The following PCDHGB4 variants were observed in gnomAD, a reference collection of about 807,000 sequenced individuals.
The protein encoded by PCDHGB4 is protocadherin gamma subfamily B, 4.
Under a neutral mutation model 60.5 loss-of-function variants are expected in PCDHGB4, and 38 were observed. The observed-to-expected ratio is 0.63, with a 90% CI of 0.48 to 0.82. PCDHGB4 has a LOEUF of 0.82. Among genes scored for constraint, PCDHGB4 ranks in the 40% least tolerant of loss-of-function variants. The probability of loss-of-function intolerance (pLI) is 0.00; values close to 1 mark genes in which losing one functional copy is unlikely to be tolerated. For synonymous variants in PCDHGB4, 456 were observed against 509.7 expected (o/e 0.89, Z 1.42); for missense variants, 1,109 against 1,209.6 (o/e 0.92, Z 1.23).
At chr5:141,427,898 C>T in intron 1 of PCDHGB4, 4 of 1,570,874 alleles carry the variant, frequency 2.5e-6, no homozygotes, top group African/African-American at 1.3e-5. Flanking sequence ...AGGGCTCGCC[C>T]GCGCTCAGCG....
rs752147264 is a variant in PCDHGB4, at chr5:141,398,602, G to C, written c.2397+8321G>C. 8 of 1,613,936 alleles carry C rather than the reference G, an allele frequency of 5.0e-6. No individual in the cohort carries two copies. The East Asian group carries it at 1.6e-4, about 31-fold the overall frequency. On this transcript the variant is annotated intron_variant, in intron 1 of 3. Transcript: ENST00000519479. ...AAGATTTATACTAGAAGTAGCAGAA[G>C]ATGCAGATATTGGCTTAAACTCTCT...
chr5:141,424,018 CACAA>C (rs909442976), intron 1 of PCDHGB4: 3 of 1,051,682 alleles, frequency 2.9e-6, no homozygotes, highest in South Asian at 4.6e-5. Context: ...ATTAATGATT[CACAA>C]ACACTTTTTA....
chr5:141,390,544 G>A, intron 1 of PCDHGB4: 1 of 505,664 alleles, frequency 2.0e-6, no homozygotes, highest in Non-Finnish European at 3.5e-6. Flanking sequence ...ACCACAAAGT[G>A]AAAGTGTTAG....
In PCDHGB4 at chr5:141,400,210, A is replaced by C. The variant is rs201102949; in HGVS notation, c.2397+9929A>C. 1.2e-3 allele frequency: 1,976 copies of C among 1,613,732 alleles called. 4 individuals are homozygous for C. The highest frequency in any genetic ancestry group is 1.6e-3 in the Non-Finnish European group (1,832 of 1,179,862). ...TTACCTAGTGGTGGCCTTGGCCTTG[A>C]TCTCAGTGCTCTTCCTCCTGGCCGT... On this transcript the variant is annotated intron_variant, in intron 1 of 3. Coordinates refer to ENST00000519479, the MANE Select transcript of PCDHGB4 (RefSeq NM_003736.4).
Position 141,389,111 on chromosome 5 carries a change from C to T in PCDHGB4, c.1227C>T (p.Asp409=), listed in dbSNP as rs752785695. The change falls in exon 1 of 4, where the codon GAC becomes GAT. Residue 409 remains aspartate, a synonymous_variant. Coordinates refer to ENST00000519479, the MANE Select transcript of PCDHGB4 (RefSeq NM_003736.4). ...AATTAGTGACAGATGCTGTTCTAGA[C>T]CGCGAGCAGAATCCAGAGTACAATA... ...TYKLVTDAVL[D]REQNPEYNIT... 2.5e-6 allele frequency: 4 copies of T among 1,614,008 alleles called. No homozygotes were observed. Among genetic ancestry groups the T allele is most frequent in the South Asian group, 1.1e-5 (1 of 91,082 alleles).
At chr5:141,447,182 C>G (rs1205769161) in intron 1 of PCDHGB4, among the ~76,000 whole-genome samples, 1 of 152,126 alleles carries the variant, frequency 6.6e-6, no homozygotes, top group Non-Finnish European at 1.5e-5. Flanking sequence ...TCTTGTCGCG[C>G]AGGCTGGAGT....
At chr5:141,393,289 AC>A in intron 1 of PCDHGB4, 2 of 1,613,936 alleles carry the variant, frequency 1.2e-6, no homozygotes, top group Non-Finnish European at 1.7e-6. Flanking sequence ...GAAGCTGTTG[AC>A]CCGGATGTGG....
chr5:141,447,979 G>A (rs888759756), intron 1 of PCDHGB4, among the ~76,000 whole-genome samples: 15 of 151,814 alleles, frequency 9.9e-5, no homozygotes, highest in Admixed American at 5.9e-4. Context: ...CCAGCTACTC[G>A]GGAGGCTGAG....
At chr5:141,408,974 G>T (rs899313364) in intron 1 of PCDHGB4, 1 of 1,613,690 alleles carries the variant, frequency 6.2e-7, no homozygotes, top group South Asian at 1.1e-5. Flanking sequence ...TCTGCCCCCT[G>T]GGTCCCCTGT....
chr5:141,465,583 A>G (rs1056902823), intron 1 of PCDHGB4, among the ~76,000 whole-genome samples: 10 of 152,162 alleles, frequency 6.6e-5, no homozygotes, highest in African/African-American at 2.4e-4. Flanking sequence ...ACACTCTCAT[A>G]ATAATCAGAT....
intron 1 of PCDHGB4, among the ~76,000 whole-genome samples, chr5:141,464,404 T>G (rs1224596546): frequency 6.6e-6 from 1 of 151,532 alleles, no homozygotes; most frequent in African/African-American, 2.4e-5. Flanking sequence ...GAACCTGAGA[T>G]ATATATATAT....
intron 1 of PCDHGB4, chr5:141,395,503 G>A (rs1428846111): frequency 2.2e-6 from 1 of 457,378 alleles, no homozygotes; most frequent in Non-Finnish European, 3.8e-6. Flanking sequence ...ATTCACTTAA[G>A]AAGTAGCTAC....
In PCDHGB4 at chr5:141,455,253, C is replaced by A. The variant is rs187877877; in HGVS notation, c.2398-39554C>A. 2.8e-3 allele frequency among the ~76,000 whole-genome samples: 433 copies of A among 151,986 alleles called. 1 individual carries two copies. Among genetic ancestry groups the A allele is most frequent in the Admixed American group, 0.021 (319 of 15,266 alleles). ...AAAATGTTAAAGGTCATAGTACAAT[C>A]GCATTTCTTCCCATTGATTATTAAC... is the stretch of plus-strand genomic sequence containing the variant. On this transcript the variant is annotated intron_variant, in intron 1 of 3. Coordinates refer to ENST00000519479, the MANE Select transcript of PCDHGB4 (RefSeq NM_003736.4).
chr5:141,388,173 G>A lies in PCDHGB4; in HGVS notation c.289G>A (p.Gly97Arg), dbSNP rs2091270272. 2 of 1,502,222 alleles carry A rather than the reference G, an allele frequency of 1.3e-6. No homozygotes were observed. Among genetic ancestry groups the A allele is most frequent in the South Asian group, 2.3e-5 (2 of 87,170 alleles). 93.1% of individuals were successfully genotyped at this position (1,502,222 alleles called of 1,614,324 possible). A position where few individuals can be genotyped will look rare whatever the true frequency, so the allele number is the denominator to read the frequency against. Reference sequence around the variant, plus strand: ...CAGGCTAGACAGGGAGGAGATATGCGGGAAGAAGCCAGCTTGTGCTCTGGA... The same window carrying A: ...CAGGCTAGACAGGGAGGAGATATGCAGGAAGAAGCCAGCTTGTGCTCTGGA... ...SSRLDREEICGKKPACALEFE... is the reference protein window; with the variant it reads ...SSRLDREEICRKKPACALEFE... The change falls in exon 1 of 4, where the codon GGG (glycine) becomes AGG (arginine). Residue 97 changes from glycine to arginine, a missense_variant. Transcript: ENST00000519479.
At chr5:141,447,230 C>G (rs1309076828) in intron 1 of PCDHGB4, among the ~76,000 whole-genome samples, 1 of 152,132 alleles carries the variant, frequency 6.6e-6, no homozygotes, top group Non-Finnish European at 1.5e-5. Flanking sequence ...ACCTCCGCCT[C>G]CCGGGTTCAA....
At chr5:141,454,977 T>C (rs1357011192) in intron 1 of PCDHGB4, among the ~76,000 whole-genome samples, 6 of 151,508 alleles carry the variant, frequency 4.0e-5, no homozygotes, top group Non-Finnish European at 8.8e-5. Context: ...CTGGCTAATT[T>C]TTTAAAAAAT....
At chr5:141,413,181 C>T in intron 1 of PCDHGB4, 8 of 1,602,880 alleles carry the variant, frequency 5.0e-6, no homozygotes, top group Non-Finnish European at 6.8e-6. Context: ...CTACAATGGC[C>T]GCTCAAAGGA....
intron 1 of PCDHGB4, among the ~76,000 whole-genome samples, chr5:141,451,429 G>A (rs577699188): frequency 1.3e-3 from 195 of 152,306 alleles, no homozygotes; most frequent in African/African-American, 4.5e-3. Flanking sequence ...TAGACTAAGG[G>A]TTCCAGTTCC....
chr5:141,476,238 G>C lies in PCDHGB4; in HGVS notation c.2398-18569G>C, dbSNP rs764976894. ...ATTCACTATGAGATCCCGGAGGAAA[G>C]AGAGAAGGGTTTCGCTGTGGGCAAC... On this transcript the variant is annotated intron_variant, in intron 1 of 3. Coordinates refer to ENST00000519479, the MANE Select transcript of PCDHGB4 (RefSeq NM_003736.4). The surrounding 1 kb of genome is among the most constrained non-coding windows in gnomAD (Gnocchi z 7.6). 1 of 1,614,098 alleles carries C rather than the reference G, an allele frequency of 6.2e-7. No individual in the cohort carries two copies.
Sources: allele counts gnomAD v4.1 joint callset (sites outside exome capture counted in the v4.1 genomes callset), GRCh38; gene constraint gnomAD v4.1.1; non-coding constraint Gnocchi (gnomAD v3.1); transcripts MANE v1.5; gene names NCBI Gene and HGNC (gene_info 2026-07-23, HGNC 2026-07-21).